SNW1: variants seen among roughly 807,000 people sequenced by gnomAD.
SNW1 encodes SNW domain containing 1.
A neutral mutation model predicts 75.6 loss-of-function variants in SNW1; 9 were observed. The ratio of observed to expected loss-of-function variants is 0.12; its 90% CI spans 0.07 to 0.21. SNW1 has a LOEUF of 0.21. SNW1 is among the 10% of genes least tolerant of loss of function. The pLI is 1.00. For synonymous variants in SNW1, 200 were observed against 219.1 expected, an observed-to-expected ratio of 0.91 and a Z score of 0.77; for missense variants, 409 against 670.9, an observed-to-expected ratio of 0.61 and a Z score of 4.31.
chr14:77,722,581 C>T (rs1433754047), intron 11 of SNW1: 1 of 415,284 alleles, frequency 2.4e-6, no homozygotes, highest in Non-Finnish European at 4.7e-6. Flanking sequence ...TTTACTACTA[C>T]ATCCTTTTCA....
At chr14:77,726,688 C>G (rs1392418412) in intron 10 of SNW1, among the ~76,000 whole-genome samples, 1 of 152,052 alleles carries the variant, frequency 6.6e-6, no homozygotes, top group African/African-American at 2.4e-5. Flanking sequence ...GTGGTGTGCG[C>G]CTGTTGTCCT....
At chr14:77,721,311 T>C (rs1047751943) in intron 11 of SNW1, among the ~76,000 whole-genome samples, 1 of 152,234 alleles carries the variant, frequency 6.6e-6, no homozygotes, top group Non-Finnish European at 1.5e-5. Context: ...TTAGTATGAT[T>C]TTTGACATTC....
In SNW1 at chr14:77,761,144, C is replaced by G. The variant is rs1370976121; in HGVS notation, c.-17G>C. 1.9e-6 allele frequency: 3 copies of G among 1,614,262 alleles called. No individual in the cohort carries two copies. The Admixed American group carries it at 5.0e-5, about 27-fold the overall frequency. ...GAGCGCCATCTTCTTCCGCTTCTTCCAGCGCGAGCGACAGCACCGCTGGGC... is the reference window on the plus strand; with the variant it reads ...GAGCGCCATCTTCTTCCGCTTCTTCGAGCGCGAGCGACAGCACCGCTGGGC... On this transcript the variant is annotated 5_prime_UTR_variant, in exon 1 of 14. Transcript: ENST00000261531.
chr14:77,740,371 C>T lies in SNW1; in HGVS notation c.331-1310G>A, dbSNP rs190671628. ...ATTAATAAGTCTATCATACATCATT[C>T]ATTAAAAAAGTTTAAAGGAAATGCA... is the stretch of plus-strand genomic sequence containing the variant. On this transcript the variant is annotated intron_variant, in intron 3 of 13. Coordinates refer to ENST00000261531, the MANE Select transcript of SNW1 (RefSeq NM_012245.3). Among the ~76,000 whole-genome samples, 3 of 152,148 alleles carry T rather than the reference C, an allele frequency of 2.0e-5. No homozygotes were observed. The East Asian group carries it at 5.8e-4, about 29-fold the overall frequency.
At chr14:77,755,165 T>A (rs778590518) in intron 1 of SNW1, 45 bp from the exon 2 acceptor site, 5 of 1,560,008 alleles carry the variant, frequency 3.2e-6, no homozygotes, top group Admixed American at 1.9e-5. Context: ...AAAACTCTTA[T>A]GTTTAATTTG....
chr14:77,735,033 G>C, intron 7 of SNW1, 21 bp from the exon 8 acceptor site: 2 of 1,559,560 alleles, frequency 1.3e-6, no homozygotes, highest in African/African-American at 1.4e-5. Flanking sequence ...AGGGAAAGAA[G>C]AGACAAGTTT....
chr14:77,759,914 T>C (rs2139940469), intron 1 of SNW1, among the ~76,000 whole-genome samples: 1 of 151,792 alleles, frequency 6.6e-6, no homozygotes, highest in African/African-American at 2.4e-5. Context: ...GGCCAAGAAT[T>C]CAAGACCAAC....
At chr14:77,753,739 G>C (rs916850852) in intron 2 of SNW1, among the ~76,000 whole-genome samples, 1 of 152,032 alleles carries the variant, frequency 6.6e-6, no homozygotes, top group Non-Finnish European at 1.5e-5. Flanking sequence ...ATCACCTGAA[G>C]TCAGGAGTTC....
intron 12 of SNW1, among the ~76,000 whole-genome samples, chr14:77,718,939 G>T (rs2080513917): frequency 6.6e-6 from 1 of 152,142 alleles, no homozygotes; most frequent in Non-Finnish European, 1.5e-5. Context: ...CTGAACCCCT[G>T]ACCTCAGGTG....
At chr14:77,754,156 C>T (rs536786122) in intron 2 of SNW1, among the ~76,000 whole-genome samples, 8 of 151,408 alleles carry the variant, frequency 5.3e-5, no homozygotes, top group East Asian at 2.0e-4. Flanking sequence ...GCAATTCTCC[C>T]GCCTCAGCCT....
chr14:77,751,405 T>G lies in SNW1; in HGVS notation c.244A>C (p.Met82Leu). 1 of 1,613,502 alleles carries G rather than the reference T, an allele frequency of 6.2e-7. No homozygotes were observed. Among genetic ancestry groups the G allele is most frequent in the Non-Finnish European group, 8.5e-7 (1 of 1,179,648 alleles). Residue 82 changes from methionine to leucine, a missense_variant, in exon 3 of 14, where the codon ATG becomes CTG. Coordinates refer to ENST00000261531, the MANE Select transcript of SNW1 (RefSeq NM_012245.3). ...ACCTGAATGGCCAGCGCATTCGACA[T>G]TTTTTTCTTTCGTCCCATATCCAGT... Reference protein sequence around the residue: ...YPLDMGRKKKMSNALAIQVDS... With the variant: ...YPLDMGRKKKLSNALAIQVDS...
At chr14:77,733,739 T>A in intron 8 of SNW1, among the ~76,000 whole-genome samples, 1 of 36,396 alleles carries the variant, frequency 2.7e-5, no homozygotes, top group African/African-American at 1.4e-4. Flanking sequence ...AGCGAGACCG[T>A]CTCAAAAAAA....
At chr14:77,760,935 A>AC in intron 1 of SNW1, 179 bp downstream of exon 1, 4 of 1,411,314 alleles carry the variant, frequency 2.8e-6, no homozygotes, top group Non-Finnish European at 4.0e-6. Flanking sequence ...CCGCTGAAAG[A>AC]CCCCAGCTTC....
intron 11 of SNW1, chr14:77,722,382 ACTC>A (rs1290825517): frequency 8.4e-6 from 3 of 359,112 alleles, no homozygotes; most frequent in South Asian, 4.3e-5. Flanking sequence ...AAGTTAAACT[ACTC>A]CTAAAAATGA....
At chr14:77,725,619 G>A (rs544667896) in intron 10 of SNW1, among the ~76,000 whole-genome samples, 34 of 152,268 alleles carry the variant, frequency 2.2e-4, no homozygotes, top group Admixed American at 5.2e-4. Context: ...GGGCATCAGC[G>A]TTAAAAATCC....
intron 10 of SNW1, among the ~76,000 whole-genome samples, chr14:77,727,061 T>G (rs1322172837): frequency 6.6e-6 from 1 of 151,886 alleles, no homozygotes; most frequent in Admixed American, 6.6e-5. Flanking sequence ...GTCTTGTTTT[T>G]TTTTGTTTTT....
rs1399373139 is a variant in SNW1 at position 77,723,255 on chromosome 14, C to T, written c.1056G>A (p.Arg352=). 6.2e-6 allele frequency: 10 copies of T among 1,614,074 alleles called. No individual in the cohort carries two copies. The highest frequency in any genetic ancestry group is 8.5e-6 in the Non-Finnish European group (10 of 1,179,982). Residue 352 remains arginine (R), a synonymous_variant, in exon 11 of 14, where the codon AGG becomes AGA. Coordinates refer to ENST00000261531, the MANE Select transcript of SNW1 (RefSeq NM_012245.3). ...TTCGCCTGTCATGCCGGATTTCATC[C>T]CTCTCACGTGCCTCCCCATCCTCTG... ...VEKEDGEARE[R]DEIRHDRRKE...
intron 12 of SNW1, among the ~76,000 whole-genome samples, chr14:77,720,086 T>TA (rs2080526729): frequency 6.6e-6 from 1 of 152,230 alleles, no homozygotes; most frequent in Non-Finnish European, 1.5e-5. Flanking sequence ...CCCAAATTGA[T>TA]ATATTTCTAT....
chr14:77,737,221 C>A, intron 5 of SNW1, 146 bp from the exon 6 acceptor site: 1 of 594,296 alleles, frequency 1.7e-6, no homozygotes, highest in South Asian at 1.9e-5. Flanking sequence ...TTAGACAAAG[C>A]AGACAGCAAG....
Sources: allele counts gnomAD v4.1 joint callset (sites outside exome capture counted in the v4.1 genomes callset), GRCh38; gene constraint gnomAD v4.1.1; transcripts MANE v1.5; gene names NCBI Gene and HGNC (gene_info 2026-07-23, HGNC 2026-07-21).